SAMM50: variants seen among roughly 807,000 people sequenced by gnomAD.
The protein encoded by SAMM50 is sorting and assembly machinery component 50 homolog.
A neutral mutation model predicts 66.9 loss-of-function variants in SAMM50; 47 were observed. The observed-to-expected ratio is 0.70, with a 90% CI of 0.56 to 0.90. The LOEUF (loss-of-function observed/expected upper bound fraction) is 0.90, where lower values mean the gene tolerates loss of function less well. SAMM50 is among the 40% of genes least tolerant of loss of function. The pLI is 0.00. For synonymous variants in SAMM50, 191 were observed against 214.1 expected (o/e 0.89, Z 0.94); for missense variants, 535 against 595.3 (o/e 0.90, Z 1.05).
chr22:43,969,517 G>A (rs1465334846), intron 4 of SAMM50, among the ~76,000 whole-genome samples: 1 of 152,152 alleles, frequency 6.6e-6, no homozygotes, highest in Non-Finnish European at 1.5e-5. Flanking sequence ...TGGGTTGGGG[G>A]CAGACCAGTA....
In SAMM50 at chr22:43,959,406, C is replaced by T. The variant is rs961310201; in HGVS notation, c.21+3808C>T. Among the ~76,000 whole-genome samples the T allele has an allele frequency of 2.0e-5, 3 of 151,982 alleles. 1 individual carries two copies. Among genetic ancestry groups the T allele is most frequent in the South Asian group, 4.1e-4 (2 of 4,824 alleles). ...TTCATTTCATGTCCCATACCCGCTG[C>T]CTTGCACATGGTGCTCAATACACAC... On this transcript the variant is annotated intron_variant, in intron 1 of 14. Transcript: ENST00000350028.
At chr22:43,967,196 C>T (rs762401631) in intron 3 of SAMM50, among the ~76,000 whole-genome samples, 15 of 152,202 alleles carry the variant, frequency 9.9e-5, no homozygotes, top group African/African-American at 2.7e-4. Flanking sequence ...AGCCTGAATG[C>T]GGAGGGCTCC....
chr22:43,984,045 C>G lies in SAMM50; in HGVS notation c.1075+45C>G, dbSNP rs576303508. ...GGCGCCAAGTCTAGAAGGCTCGCGT[C>G]TCACTTTGGAAACCATGTACCTGTT... On this transcript the variant is annotated intron_variant, in intron 12 of 14. Transcript: ENST00000350028. The G allele has an allele frequency of 1.2e-5, 19 of 1,546,064 alleles. No individual in the cohort carries two copies. In the African/African-American group the frequency reaches 2.2e-4, roughly 18 times the overall value.
intron 1 of SAMM50, among the ~76,000 whole-genome samples, chr22:43,962,670 T>C (rs1053291238): frequency 6.6e-6 from 1 of 152,180 alleles, no homozygotes; most frequent in Non-Finnish European, 1.5e-5. Context: ...TCCTAACATG[T>C]GTACAATTTT....
At chr22:43,966,913 C>G (rs893951584) in intron 3 of SAMM50, among the ~76,000 whole-genome samples, 3 of 151,644 alleles carry the variant, frequency 2.0e-5, no homozygotes, top group Admixed American at 1.3e-4. Context: ...TGCAATAGCT[C>G]TTTGCATATT....
Position 43,990,321 on chromosome 22 carries a change from G to A in SAMM50, c.1279G>A (p.Gly427Arg). 1 of 1,614,160 alleles carries A rather than the reference G, an allele frequency of 6.2e-7. No individual in the cohort carries two copies. The highest frequency in any genetic ancestry group is 8.5e-7 in the Non-Finnish European group (1 of 1,180,022). Residue 427 changes from glycine (G) to arginine (R), a missense_variant, in exon 14 of 15, where the codon GGG becomes AGG. Gly to Arg is a moderately radical substitution (Grantham distance 125). Transcript: ENST00000350028. ...GGCTGAGTGCATCCGCTGGTCGTAC[G>A]GGGCCGGGATTGTCCTCAGGCTTGG... ...KLAECIRWSY[G>R]AGIVLRLGNI... is the part of the protein sequence containing the mutation.
chr22:43,957,237 A>C, intron 1 of SAMM50: 1 of 667,586 alleles, frequency 1.5e-6, no homozygotes, highest in Non-Finnish European at 2.8e-6. Flanking sequence ...GGGGAAAGGT[A>C]ACTCGGGCCC....
At chr22:43,967,246 T>C (rs2050178102) in intron 3 of SAMM50, among the ~76,000 whole-genome samples, 1 of 152,210 alleles carries the variant, frequency 6.6e-6, no homozygotes, top group African/African-American at 2.4e-5. Flanking sequence ...TGTTGAGCTG[T>C]AGCCCTGACT....
chr22:43,957,728 A>G (rs2050127309), intron 1 of SAMM50, among the ~76,000 whole-genome samples: 1 of 151,416 alleles, frequency 6.6e-6, no homozygotes, highest in South Asian at 2.1e-4. Context: ...CCAGCCAATT[A>G]TAACTACATT....
intron 14 of SAMM50, among the ~76,000 whole-genome samples, chr22:43,991,455 G>A (rs983418760): frequency 6.6e-6 from 1 of 151,672 alleles, no homozygotes; most frequent in African/African-American, 2.4e-5. Context: ...GTAGAGACAG[G>A]GTTTTACCAC....
chr22:43,972,707 A>G (rs1322706972), intron 5 of SAMM50, among the ~76,000 whole-genome samples, 164 bp from the exon 6 acceptor site: 2 of 152,228 alleles, frequency 1.3e-5, no homozygotes, highest in South Asian at 2.1e-4. Context: ...CAGCAGCGGC[A>G]TGTTTTAAAG....
chr22:43,996,279 C>T lies in SAMM50; in HGVS notation c.1365-59C>T. 3.8e-6 allele frequency: 6 copies of T among 1,573,910 alleles called. No individual in the cohort carries two copies. The South Asian group carries it at 4.4e-5, about 12-fold the overall frequency. The stretch of plus-strand genomic sequence containing the variant: ...TCTGAGAGGCGCATGCTCAGTGAGT[C>T]GTGAAGATGGCAGGGCTGGCGGAGC... On this transcript the variant is annotated intron_variant, in intron 14 of 14. Transcript: ENST00000350028.
intron 12 of SAMM50, among the ~76,000 whole-genome samples, chr22:43,985,457 C>T: frequency 6.6e-6 from 1 of 152,020 alleles, no homozygotes; most frequent in East Asian, 1.9e-4. Flanking sequence ...CAGTTTGTAG[C>T]CTTTTCAAGT....
chr22:43,976,011 T>C, intron 7 of SAMM50, 44 bp from the exon 8 acceptor site: 1 of 1,564,986 alleles, frequency 6.4e-7, no homozygotes, highest in East Asian at 2.3e-5. Flanking sequence ...AACAAGTTCC[T>C]AAGTATGTGT....
chr22:43,972,878 GC>G lies in SAMM50; in HGVS notation c.439del (p.Leu147SerfsTer13). On this transcript the variant is annotated frameshift_variant, in exon 6 of 15. Transcript: ENST00000350028. LOFTEE classifies it high-confidence loss of function. Reference sequence around the variant, plus strand: ...TTTTTTTTCCCCTCCTAGGTACTTGGCCTCAAGCTTCCTAATCTTCTTGGTC... The same window carrying G: ...TTTTTTTTCCCCTCCTAGGTACTTGGCTCAAGCTTCCTAATCTTCTTGGTC... ...VGNNEGSMVL[G>X]LKLPNLLGRA... 1.3e-6 allele frequency: 2 copies of G among 1,590,790 alleles called. No individual in the cohort carries two copies. Among genetic ancestry groups the G allele is most frequent in the Non-Finnish European group, 1.7e-6 (2 of 1,174,382 alleles).
intron 12 of SAMM50, 153 bp from the exon 13 acceptor site, chr22:43,988,958 G>A: frequency 4.9e-6 from 3 of 612,744 alleles, no homozygotes; most frequent in Non-Finnish European, 5.5e-6. Flanking sequence ...GAGGCCATCA[G>A]TATCAGGAAT....
At chr22:43,992,878 T>C (rs573710246) in intron 14 of SAMM50, among the ~76,000 whole-genome samples, 5 of 152,336 alleles carry the variant, frequency 3.3e-5, no homozygotes, top group African/African-American at 1.2e-4. Context: ...GCTAACAGTT[T>C]GTGACAAGCC....
At chr22:43,966,362 C>G in intron 3 of SAMM50, among the ~76,000 whole-genome samples, 1 of 146,226 alleles carries the variant, frequency 6.8e-6, no homozygotes, top group East Asian at 2.0e-4. Context: ...AGTCCACTGT[C>G]TTTTTTTTTT....
intron 12 of SAMM50, 76 bp downstream of exon 12, chr22:43,984,076 CT>C: frequency 1.6e-6 from 2 of 1,263,096 alleles, no homozygotes; most frequent in Non-Finnish European, 1.1e-6. Flanking sequence ...CTGTTATTAG[CT>C]TACAGCGATA....
Sources: allele counts gnomAD v4.1 joint callset (sites outside exome capture counted in the v4.1 genomes callset), GRCh38; gene constraint gnomAD v4.1.1; transcripts MANE v1.5; gene names NCBI Gene and HGNC (gene_info 2026-07-23, HGNC 2026-07-21).